Variants in XKR3 observed in about 807,000 individuals in gnomAD.
The protein encoded by XKR3 is XK related 3.
In XKR3, 27 loss-of-function variants were observed where a neutral mutation model predicts 40.3. That is an observed-to-expected ratio of 0.67 (90% confidence interval 0.49 to 0.92). The LOEUF (loss-of-function observed/expected upper bound fraction) is 0.92. Among genes scored for constraint, XKR3 ranks in the 40% least tolerant of loss-of-function variants. XKR3 has a pLI of 0.00. For synonymous variants in XKR3, 193 were observed against 195.4 expected (o/e 0.99, Z 0.10); for missense variants, 472 against 537.6 (o/e 0.88, Z 1.21).
At chr22:16,823,760 A>G (rs2060264945) in intron 1 of XKR3, among the ~76,000 whole-genome samples, 2 of 152,108 alleles carry the variant, frequency 1.3e-5, no homozygotes. Context: ...AATAAATCTG[A>G]CACCAATTCA....
chr22:16,800,922 A>C (rs1800270096), intron 2 of XKR3, among the ~76,000 whole-genome samples: 1 of 152,174 alleles, frequency 6.6e-6, no homozygotes, highest in Non-Finnish European at 1.5e-5. Context: ...AACCAACAGA[A>C]TCTCTAGAAA....
intron 1 of XKR3, among the ~76,000 whole-genome samples, chr22:16,822,400 A>T (rs2060260728): frequency 1.3e-5 from 2 of 152,124 alleles, no homozygotes; most frequent in South Asian, 4.1e-4. Flanking sequence ...AAATAAATAA[A>T]TAATAGAAAA....
At chr22:16,809,658 A>G (rs1402527276) in intron 1 of XKR3, among the ~76,000 whole-genome samples, 1 of 152,232 alleles carries the variant, frequency 6.6e-6, no homozygotes, top group African/African-American at 2.4e-5. Flanking sequence ...TCATTTGAAC[A>G]TTCCACTTAC....
At chr22:16,822,472 C>G (rs1279435730) in intron 1 of XKR3, among the ~76,000 whole-genome samples, 1 of 152,086 alleles carries the variant, frequency 6.6e-6, no homozygotes, top group Non-Finnish European at 1.5e-5. Context: ...CTACATCAAT[C>G]AGCACATTAA....
intron 3 of XKR3, among the ~76,000 whole-genome samples, chr22:16,790,335 C>A (rs1460751259): frequency 1.3e-5 from 1 of 74,596 alleles, no homozygotes. Context: ...TAGAAAGCTT[C>A]CACGCAGAAA....
intron 3 of XKR3, among the ~76,000 whole-genome samples, chr22:16,790,921 C>T (rs1347847186): frequency 6.8e-6 from 1 of 147,518 alleles, no homozygotes; most frequent in South Asian, 2.2e-4. Flanking sequence ...TATGGAGGAA[C>T]GAAAACTCTT....
At chr22:16,794,020 T>C (rs1361203896) in intron 3 of XKR3, among the ~76,000 whole-genome samples, 1 of 152,056 alleles carries the variant, frequency 6.6e-6, no homozygotes, top group African/African-American at 2.4e-5. Context: ...TCAAAATGAA[T>C]AAAACATCCA....
intron 3 of XKR3, among the ~76,000 whole-genome samples, chr22:16,797,454 G>A (rs186803523): frequency 8.2e-4 from 125 of 152,248 alleles, no homozygotes; most frequent in Middle Eastern, 3.4e-3. Context: ...AGAATCTATA[G>A]GGAACTTAAA....
At chr22:16,811,690 T>G (rs1457966841) in intron 1 of XKR3, among the ~76,000 whole-genome samples, 1 of 152,134 alleles carries the variant, frequency 6.6e-6, no homozygotes, top group Non-Finnish European at 1.5e-5. Context: ...TTCTAGATTC[T>G]GAACTTCACT....
chr22:16,797,608 T>C lies in XKR3; in HGVS notation c.589+2163A>G, dbSNP rs527571278. Among the ~76,000 whole-genome samples the C allele has an allele frequency of 4.0e-5, 6 of 151,548 alleles. No individual in the cohort carries two copies. The East Asian group carries it at 5.9e-4, about 15-fold the overall frequency. ...GAGATCAAGACCATCCTGGCTAACA[T>C]GGTGAAACCCCGTCTCTACTAAAAA... On this transcript the variant is annotated intron_variant, in intron 3 of 3. Transcript: ENST00000684488.
chr22:16,798,575 G>A (rs1270501881), intron 3 of XKR3, among the ~76,000 whole-genome samples: 1 of 152,088 alleles, frequency 6.6e-6, no homozygotes, highest in Non-Finnish European at 1.5e-5. Flanking sequence ...ATCAACTCAG[G>A]TGCCCATCAA....
At chr22:16,789,806 G>A (rs1054310854) in intron 3 of XKR3, among the ~76,000 whole-genome samples, 1 of 152,184 alleles carries the variant, frequency 6.6e-6, no homozygotes, top group African/African-American at 2.4e-5. Context: ...TGAGTATAGT[G>A]AGCACAAATA....
chr22:16,783,620 T>C lies in XKR3; in HGVS notation c.1379A>G (p.Ter460=). 6.4e-7 allele frequency: 1 copy of C among 1,571,536 alleles called. No individual in the cohort carries two copies. The highest frequency in any genetic ancestry group is 8.6e-7 in the Non-Finnish European group (1 of 1,162,468). ...TCTGTGAAAGTATATATGTATATTT[T>C]ATGAACATGTCATACTTTTTCTGAT... is the stretch of plus-strand genomic sequence containing the variant. ...FSIRKSMTCS[*] Residue 460 remains the stop codon, a stop_retained_variant, in exon 4 of 4, where the codon TAA becomes TGA. Coordinates refer to ENST00000684488, the MANE Select transcript of XKR3 (RefSeq NM_001386955.1).
chr22:16,813,324 C>G (rs1381708135), intron 1 of XKR3, among the ~76,000 whole-genome samples: 1 of 151,604 alleles, frequency 6.6e-6, no homozygotes, highest in Non-Finnish European at 1.5e-5. Context: ...CAAAAAAAAA[C>G]AAGAAGAAGA....
chr22:16,788,322 T>C (rs2060099663), intron 3 of XKR3, among the ~76,000 whole-genome samples: 1 of 152,086 alleles, frequency 6.6e-6, no homozygotes, highest in African/African-American at 2.4e-5. Context: ...GCAATAAATG[T>C]CTTCATCAAA....
chr22:16,814,932 CTTTT>C (rs552626478), intron 1 of XKR3, among the ~76,000 whole-genome samples: 2 of 144,460 alleles, frequency 1.4e-5, no homozygotes, highest in African/African-American at 5.1e-5. Flanking sequence ...ATTTAGATGG[CTTTT>C]TTTTTTTAAT....
intron 3 of XKR3, among the ~76,000 whole-genome samples, chr22:16,791,632 A>T (rs2060116131): frequency 6.6e-6 from 1 of 151,850 alleles, no homozygotes; most frequent in Non-Finnish European, 1.5e-5. Context: ...TACTTCAAAC[A>T]TCATCTTGTA....
chr22:16,794,823 A>G (rs1352527117), intron 3 of XKR3, among the ~76,000 whole-genome samples: 4 of 152,186 alleles, frequency 2.6e-5, no homozygotes, highest in Non-Finnish European at 5.9e-5. Flanking sequence ...CTCAAAGTAA[A>G]GGAGCGGGTA....
At chr22:16,789,946 C>T (rs765620091) in intron 3 of XKR3, among the ~76,000 whole-genome samples, 60 of 152,136 alleles carry the variant, frequency 3.9e-4, no homozygotes, top group Non-Finnish European at 7.2e-4. Context: ...AAATCAGAAC[C>T]CTATCTCTTA....
Sources: allele counts gnomAD v4.1 joint callset (sites outside exome capture counted in the v4.1 genomes callset), GRCh38; gene constraint gnomAD v4.1.1; transcripts MANE v1.5; gene names NCBI Gene and HGNC (gene_info 2026-07-23, HGNC 2026-07-21).